The following ABCA8 variants were observed in gnomAD, a reference collection of about 807,000 sequenced individuals.
The protein encoded by ABCA8 is ATP binding cassette subfamily A member 8, also known as ABC-type organic anion transporter ABCA8.
ABCA8 carries 177 observed loss-of-function variants against 192.3 expected under a neutral mutation model. The ratio of observed to expected loss-of-function variants is 0.92; its 90% CI spans 0.81 to 1.04. The LOEUF (loss-of-function observed/expected upper bound fraction) is 1.04. Among genes scored for constraint, ABCA8 ranks in the 50% least tolerant of loss-of-function variants. The pLI is 0.00. For missense variants in ABCA8, 1,915 were observed against 1,904.8 expected (o/e 1.01, Z -0.10); for synonymous variants, 642 against 690.2 (o/e 0.93, Z 1.09).
Position 68,894,242 on chromosome 17 carries a change from AAC to A in ABCA8, c.2965_2966del (p.Val989Ter). On this transcript the variant is annotated frameshift_variant, in exon 23 of 40. Coordinates refer to ENST00000586539, the MANE Select transcript of ABCA8 (RefSeq NM_001288985.2). LOFTEE classifies it high-confidence loss of function. ...TAACCATTCCAAGTAGCCCATTACT[AAC>A]AATGTCCATAAGAACTGGGAAGCAA... ...LNCFPVLMDI[V>X]SNGLLGMVKP... The A allele has an allele frequency of 6.2e-7, 1 of 1,613,210 alleles. No homozygotes were observed. The highest frequency in any genetic ancestry group is 1.1e-5 in the South Asian group (1 of 91,014).
At position 68,877,389 on chromosome 17, in the gene ABCA8, T is replaced by G. The variant is rs961941432; in HGVS notation, c.4199+130A>C. 2.9e-5 allele frequency: 22 copies of G among 758,922 alleles called. 1 individual carries two copies. In the Admixed American group the frequency reaches 5.3e-4, roughly 18 times the overall value. The allele number at this position is 758,922 out of a possible 1,614,324, so 47.0% of individuals were successfully genotyped here. On this transcript the variant is annotated intron_variant, in intron 33 of 39. Transcript: ENST00000586539. Reference sequence around the variant, plus strand: ...GATATCCAGGAAAGGAGTTTCTAGTTGTAAATCTACCCAGTGTGACCTGGG... The same window carrying G: ...GATATCCAGGAAAGGAGTTTCTAGTGGTAAATCTACCCAGTGTGACCTGGG...
intron 5 of ABCA8, among the ~76,000 whole-genome samples, chr17:68,935,569 T>TATATATATATATATATATATATATA (rs1555617704): frequency 1.4e-5 from 2 of 138,892 alleles, no homozygotes; most frequent in Non-Finnish European, 3.1e-5. Flanking sequence ...TATATATATA[T>TATATATATATATATATATATATATA]TATCTTCTTT....
At chr17:68,876,423 C>T in intron 35 of ABCA8, 37 bp downstream of exon 35, 1 of 1,613,474 alleles carries the variant, frequency 6.2e-7, no homozygotes. Context: ...CCATGCAAGT[C>T]ATCCGTGCTG....
At chr17:68,912,240 T>G (rs2067241918) in intron 17 of ABCA8, among the ~76,000 whole-genome samples, 1 of 152,140 alleles carries the variant, frequency 6.6e-6, no homozygotes, top group African/African-American at 2.4e-5. Flanking sequence ...ACTCAGAATC[T>G]TATCAGATAA....
At chr17:68,910,506 G>C (rs539403475) in intron 17 of ABCA8, among the ~76,000 whole-genome samples, 1 of 152,096 alleles carries the variant, frequency 6.6e-6, no homozygotes, top group Non-Finnish European at 1.5e-5. Flanking sequence ...AATAAACGTA[G>C]GACCACAGGG....
chr17:68,881,313 G>A, intron 31 of ABCA8, 102 bp from the exon 32 acceptor site: 1 of 840,756 alleles, frequency 1.2e-6, no homozygotes, highest in Non-Finnish European at 1.9e-6. Context: ...GCTATTAGTT[G>A]TCATTTAATT....
At chr17:68,949,529 G>A (rs949565590) in intron 1 of ABCA8, 57 bp from the exon 2 acceptor site, 3 of 152,088 alleles carry the variant, frequency 2.0e-5, no homozygotes, top group Admixed American at 6.5e-5. Context: ...GATTAATATC[G>A]ATGTGAAAAT....
intron 21 of ABCA8, among the ~76,000 whole-genome samples, chr17:68,897,775 A>C (rs910485458): frequency 1.3e-5 from 2 of 152,198 alleles, no homozygotes; most frequent in Admixed American, 6.5e-5. Context: ...AAGAATTAGC[A>C]GACCTGAAGA....
intron 17 of ABCA8, among the ~76,000 whole-genome samples, chr17:68,908,795 G>A (rs1262485049): frequency 6.6e-6 from 1 of 152,156 alleles, no homozygotes; most frequent in African/African-American, 2.4e-5. Context: ...TATTGTTTTA[G>A]CATCTGGAAC....
chr17:68,929,249 G>A lies in ABCA8; in HGVS notation c.940-15C>T. On this transcript the variant is annotated splice_polypyrimidine_tract_variant and intron_variant, in intron 8 of 39. Coordinates refer to ENST00000586539, the MANE Select transcript of ABCA8 (RefSeq NM_001288985.2). ...GCCAAAGCTACCTAAAATGAGAGAA[G>A]ATCTAGTTGGTTTATGTTTCTCTAA... 3.8e-6 allele frequency: 6 copies of A among 1,564,244 alleles called. No homozygotes were observed. The highest frequency in any genetic ancestry group is 4.3e-6 in the Non-Finnish European group (5 of 1,156,904).
At chr17:68,902,971 T>A in intron 20 of ABCA8, 92 bp from the exon 21 acceptor site, 1 of 1,135,566 alleles carries the variant, frequency 8.8e-7, no homozygotes. Context: ...ATAAAGAAAT[T>A]ATAAAAATTA....
At chr17:68,927,054 G>A (rs2067721375) in intron 10 of ABCA8, among the ~76,000 whole-genome samples, 1 of 152,094 alleles carries the variant, frequency 6.6e-6, no homozygotes, top group Admixed American at 6.5e-5. Context: ...TCAGGAGTTC[G>A]AGACCAGCCT....
In ABCA8 at chr17:68,881,107, A is replaced by G; in HGVS notation, c.4038+13T>C. On this transcript the variant is annotated intron_variant, in intron 32 of 39. Coordinates refer to ENST00000586539, the MANE Select transcript of ABCA8 (RefSeq NM_001288985.2). ...CACCATTAGATAACATATTTTCCAC[A>G]TAATTCACCTACTTGTCCAGCAGTT... 6.3e-7 allele frequency: 1 copy of G among 1,576,642 alleles called. No individual in the cohort carries two copies. Among genetic ancestry groups the G allele is most frequent in the Non-Finnish European group, 8.7e-7 (1 of 1,146,204 alleles).
chr17:68,905,095 G>A (rs1029371218), intron 19 of ABCA8, among the ~76,000 whole-genome samples: 1 of 152,210 alleles, frequency 6.6e-6, no homozygotes, highest in African/African-American at 2.4e-5. Flanking sequence ...CTGTGCAAAA[G>A]CCCAGGCACT....
At chr17:68,907,570 C>A (rs1194768642) in intron 18 of ABCA8, among the ~76,000 whole-genome samples, 170 bp downstream of exon 18, 3 of 152,106 alleles carry the variant, frequency 2.0e-5, no homozygotes, top group African/African-American at 7.2e-5. Context: ...GAATGTAATT[C>A]TATTTCCCAC....
intron 30 of ABCA8, among the ~76,000 whole-genome samples, chr17:68,882,384 C>A (rs1448943790): frequency 1.3e-5 from 2 of 152,154 alleles, no homozygotes; most frequent in Admixed American, 1.3e-4. Context: ...TTCTGAAATT[C>A]TTTCTTGGCT....
chr17:68,931,472 T>C (rs1001112616), intron 7 of ABCA8, among the ~76,000 whole-genome samples: 13 of 152,350 alleles, frequency 8.5e-5, no homozygotes, highest in African/African-American at 2.9e-4. Context: ...AAATTCTGCA[T>C]TTGGCTCCTT....
At chr17:68,935,953 A>AT (rs1422878580) in intron 5 of ABCA8, among the ~76,000 whole-genome samples, 1 of 152,056 alleles carries the variant, frequency 6.6e-6, no homozygotes, top group Non-Finnish European at 1.5e-5. Flanking sequence ...GATGTGGAGC[A>AT]TTTTTTTACG....
At chr17:68,953,999 C>T (rs1451886503) in intron 1 of ABCA8, among the ~76,000 whole-genome samples, 1 of 151,508 alleles carries the variant, frequency 6.6e-6, no homozygotes, top group Non-Finnish European at 1.5e-5. Flanking sequence ...CAGCTGCCGC[C>T]AATGCAAGCT....
Sources: allele counts gnomAD v4.1 joint callset (sites outside exome capture counted in the v4.1 genomes callset), GRCh38; gene constraint gnomAD v4.1.1; transcripts MANE v1.5; gene names NCBI Gene and HGNC (gene_info 2026-07-23, HGNC 2026-07-21).